PTPN13: variants seen among roughly 807,000 people sequenced by gnomAD.
PTPN13 encodes the protein protein tyrosine phosphatase non-receptor type 13.
Under a neutral mutation model 284.0 loss-of-function variants are expected in PTPN13, and 191 were observed. The observed-to-expected ratio is 0.67, with a 90% CI of 0.60 to 0.76. The LOEUF (loss-of-function observed/expected upper bound fraction) is 0.76. PTPN13 is among the 30% of genes least tolerant of loss of function. The pLI is 0.00. For missense variants in PTPN13, 2,797 were observed against 2,939.9 expected, an observed-to-expected ratio of 0.95 and a Z score of 1.12; for synonymous variants, 986 against 1,022.3, an observed-to-expected ratio of 0.96 and a Z score of 0.68.
intron 1 of PTPN13, among the ~76,000 whole-genome samples, chr4:86,624,055 G>A (rs72870662): frequency 0.012 from 1,877 of 152,192 alleles, 46 homozygotes; most frequent in African/African-American, 0.043. Flanking sequence ...TAAAAACCTA[G>A]CACCTATCAA....
intron 16 of PTPN13, among the ~76,000 whole-genome samples, chr4:86,742,205 C>A (rs1039257135): frequency 2.6e-5 from 4 of 152,172 alleles, no homozygotes; most frequent in African/African-American, 9.7e-5. Context: ...CAATAGTAAA[C>A]CCCCTCGTAG....
At chr4:86,790,413 A>T (rs556199880) in intron 40 of PTPN13, among the ~76,000 whole-genome samples, 1 of 152,304 alleles carries the variant, frequency 6.6e-6, no homozygotes, top group Admixed American at 6.5e-5. Flanking sequence ...GAACAGATCG[A>T]CATGATTCCT....
intron 4 of PTPN13, among the ~76,000 whole-genome samples, chr4:86,687,198 T>G (rs527806811): frequency 6.6e-6 from 1 of 152,318 alleles, no homozygotes; most frequent in South Asian, 2.1e-4. Flanking sequence ...TAGCCCTATG[T>G]CTCAGAGTGT....
chr4:86,796,877 A>G lies in PTPN13; in HGVS notation c.6349A>G (p.Thr2117Ala). 6.7e-7 allele frequency: 1 copy of G among 1,481,514 alleles called. No individual in the cohort carries two copies. Among genetic ancestry groups the G allele is most frequent in the African/African-American group, 1.4e-5 (1 of 71,822 alleles). 91.8% of individuals were successfully genotyped at this position (1,481,514 alleles called of 1,614,324 possible). A position where few individuals can be genotyped will look rare whatever the true frequency, so the allele number is the denominator to read the frequency against. Reference sequence around the variant, plus strand: ...TTCTTATATATTTTTATTGTAGGCCACCAAAATGAATGGCTGTGAAGAATA... The same window carrying G: ...TTCTTATATATTTTTATTGTAGGCCGCCAAAATGAATGGCTGTGAAGAATA... ...SPLPEYFTEATKMNGCEEYCE... is the reference protein window; with the variant it reads ...SPLPEYFTEAAKMNGCEEYCE... The change falls in exon 41 of 48, where the codon ACC (threonine) becomes GCC (alanine). Residue 2117 changes from threonine (T) to alanine (A), a missense_variant. Physicochemically the swap from Thr to Ala is moderately conservative, Grantham distance 58. Coordinates refer to ENST00000411767, the MANE Select transcript of PTPN13 (RefSeq NM_080683.3).
chr4:86,650,230 G>C, intron 2 of PTPN13, among the ~76,000 whole-genome samples: 1 of 152,108 alleles, frequency 6.6e-6, no homozygotes, highest in East Asian at 1.9e-4. Flanking sequence ...TAGGTAATCT[G>C]CCTGCCTCAT....
At chr4:86,689,280 A>G (rs1214037198) in intron 5 of PTPN13, 90 bp downstream of exon 5, 11 of 1,023,326 alleles carry the variant, frequency 1.1e-5, no homozygotes, top group Admixed American at 9.4e-5. Flanking sequence ...TATAGGTAGC[A>G]TTTTCTCAAT....
At chr4:86,738,586 A>T (rs1735790669) in intron 15 of PTPN13, among the ~76,000 whole-genome samples, 6 of 152,220 alleles carry the variant, frequency 3.9e-5, no homozygotes, top group Admixed American at 3.9e-4. Context: ...TAAGAAGTAC[A>T]TGTTCTTTAA....
chr4:86,693,462 G>C, intron 5 of PTPN13, 125 bp from the exon 6 acceptor site: 1 of 528,082 alleles, frequency 1.9e-6, no homozygotes, highest in Non-Finnish European at 3.4e-6. Context: ...ATAGGACATA[G>C]AGTCTCATTA....
In PTPN13 at chr4:86,763,043, C is replaced by G. The variant is rs1201167536; in HGVS notation, c.3870C>G (p.Ala1290=). 1 of 1,613,658 alleles carries G rather than the reference C, an allele frequency of 6.2e-7. No homozygotes were observed. Among genetic ancestry groups the G allele is most frequent in the African/African-American group, 1.3e-5 (1 of 74,846 alleles). The change falls in exon 24 of 48, where the codon GCC becomes GCG. Residue 1290 remains alanine (A), a synonymous_variant. Coordinates refer to ENST00000411767, the MANE Select transcript of PTPN13 (RefSeq NM_080683.3). ...CTTCCCCATCTGTAATATCCAAAGC[C>G]ACCGAGAAAGAGACTTTCACTGATA... ...GSPSPSVISK[A]TEKETFTDSN... is the part of the protein sequence containing the mutation.
At chr4:86,781,309 T>C (rs1414473976) in intron 36 of PTPN13, among the ~76,000 whole-genome samples, 4 of 152,140 alleles carry the variant, frequency 2.6e-5, no homozygotes, top group African/African-American at 7.2e-5. Context: ...CGTATTTTTC[T>C]CAGTCTCTTG....
chr4:86,599,681 T>A (rs778290028), intron 1 of PTPN13, among the ~76,000 whole-genome samples: 1 of 152,158 alleles, frequency 6.6e-6, no homozygotes, highest in Non-Finnish European at 1.5e-5. Flanking sequence ...TGTTATTTCC[T>A]TCAGATTTAT....
intron 44 of PTPN13, 29 bp downstream of exon 44, chr4:86,805,398 T>C (rs1442644513): frequency 2.1e-6 from 3 of 1,397,492 alleles, no homozygotes; most frequent in Non-Finnish European, 3.0e-6. Flanking sequence ...TCAGATTTAA[T>C]ATGTGATCAG....
At chr4:86,803,064 C>CTCTGTGTG (rs1554349931) in intron 42 of PTPN13, among the ~76,000 whole-genome samples, 18 of 136,154 alleles carry the variant, frequency 1.3e-4, no homozygotes, top group Admixed American at 1.1e-3. Context: ...CAGAATAAGA[C>CTCTGTGTG]TGTGTGTGTG....
chr4:86,678,881 T>C (rs1018596431), intron 3 of PTPN13, among the ~76,000 whole-genome samples: 1 of 152,214 alleles, frequency 6.6e-6, no homozygotes, highest in Non-Finnish European at 1.5e-5. Context: ...CTGCAAACAC[T>C]TCTAATAATC....
At chr4:86,704,343 A>G (rs1731490015) in intron 7 of PTPN13, among the ~76,000 whole-genome samples, 1 of 152,194 alleles carries the variant, frequency 6.6e-6, no homozygotes, top group Non-Finnish European at 1.5e-5. Flanking sequence ...AACAGGAAAA[A>G]CATCAAACAT....
intron 3 of PTPN13, among the ~76,000 whole-genome samples, chr4:86,673,096 G>T (rs750523011): frequency 5.9e-5 from 9 of 152,168 alleles, no homozygotes; most frequent in Non-Finnish European, 8.8e-5. Context: ...CTGACAGGAG[G>T]CAGAGCTCAG....
intron 2 of PTPN13, among the ~76,000 whole-genome samples, chr4:86,657,288 A>G (rs1240861239): frequency 6.6e-6 from 1 of 152,162 alleles, no homozygotes; most frequent in East Asian, 1.9e-4. Flanking sequence ...TCAGTTGGAA[A>G]TGTCTCTGCA....
intron 2 of PTPN13, among the ~76,000 whole-genome samples, chr4:86,649,297 T>C (rs910354167): frequency 6.6e-6 from 1 of 152,192 alleles, no homozygotes; most frequent in African/African-American, 2.4e-5. Flanking sequence ...CAAGAAATCT[T>C]TGTGCACGCC....
chr4:86,656,676 A>G (rs1299499134), intron 2 of PTPN13, among the ~76,000 whole-genome samples: 2 of 152,140 alleles, frequency 1.3e-5, no homozygotes, highest in Non-Finnish European at 2.9e-5. Flanking sequence ...GGGGTCAGGG[A>G]CCCACTTGAG....
Sources: gnomAD v4.1 joint callset for allele counts (sites outside exome capture counted in the v4.1 genomes callset) on GRCh38, gnomAD v4.1.1 for gene constraint, MANE v1.5 for transcripts, NCBI Gene and HGNC (gene_info 2026-07-23, HGNC 2026-07-21) for gene names.